Variants in GYPE observed in about 807,000 individuals in gnomAD.
GYPE encodes the protein glycophorin E (MNS blood group).
GYPE carries 8 observed loss-of-function variants against 11.6 expected under a neutral mutation model. The ratio of observed to expected loss-of-function variants is 0.69; its 90% confidence interval spans 0.41 to 1.25. The LOEUF (loss-of-function observed/expected upper bound fraction) is 1.25. Among genes scored for constraint, GYPE ranks in the 50% most tolerant of loss-of-function variants. GYPE has a pLI of 0.01. For synonymous variants in GYPE, 28 were observed against 29.6 expected (o/e 0.94, Z 0.18); for missense variants, 90 against 92.8 (o/e 0.97, Z 0.12).
In GYPE at chr4:143,894,604, A is replaced by G. The variant is rs1013968827; in HGVS notation, c.37+10867T>C. Among the ~76,000 whole-genome samples the G allele has an allele frequency of 6.5e-4, 99 of 152,172 alleles. 3 individuals carry two copies. The highest frequency in any genetic ancestry group is 1.7e-4 in the African/African-American group (7 of 41,424). On this transcript the variant is annotated intron_variant, in intron 1 of 3. Coordinates refer to ENST00000358615, the MANE Select transcript of GYPE (RefSeq NM_198682.3). ...AGAGGAACTGGTACCATTCCTTCTG[A>G]AACTATTCCAATCAATAGAAAAAGA...
At chr4:143,872,693 TAC>T (rs1237299938) in intron 3 of GYPE, among the ~76,000 whole-genome samples, 8 of 152,046 alleles carry the variant, frequency 5.3e-5, no homozygotes, top group Non-Finnish European at 1.2e-4. Context: ...AGATAAAAAA[TAC>T]AGTCATCAGA....
chr4:143,902,071 G>A (rs938534795), intron 1 of GYPE, among the ~76,000 whole-genome samples: 2 of 152,018 alleles, frequency 1.3e-5, no homozygotes, highest in Non-Finnish European at 2.9e-5. Context: ...TATTGAAAAG[G>A]CACAAGAAAA....
intron 3 of GYPE, among the ~76,000 whole-genome samples, chr4:143,873,069 G>A (rs1474102255): frequency 6.6e-6 from 1 of 152,174 alleles, no homozygotes; most frequent in East Asian, 1.9e-4. Context: ...AAAAACAAGA[G>A]TAGAGACAGG....
Position 143,883,546 on chromosome 4 carries a change from AAATT to A in GYPE, c.38-3041_38-3038del, listed in dbSNP as rs68123659. ...TTAATAATAACATGTAATTAATTAT[AAATT>A]AATTTATAATTATTAATAACATGTA... On this transcript the variant is annotated intron_variant, in intron 1 of 3. Coordinates refer to ENST00000358615, the MANE Select transcript of GYPE (RefSeq NM_198682.3). Among the ~76,000 whole-genome samples, 304 of 18,938 alleles carry A rather than the reference AAATT, an allele frequency of 0.016. 4 individuals carry two copies. The East Asian group carries it at 0.18, about 11-fold the overall frequency. The allele number at this position is 18,938 out of a possible 152,430, so 12.4% of individuals were successfully genotyped here. A position where few individuals can be genotyped will look rare whatever the true frequency, so the allele number is the denominator to read the frequency against.
At chr4:143,876,993 T>A (rs570657475) in intron 2 of GYPE, 138 bp from the exon 3 acceptor site, 1 of 653,790 alleles carries the variant, frequency 1.5e-6, no homozygotes, top group Non-Finnish European at 2.8e-6. Flanking sequence ...ATCATGTGTA[T>A]TTTGTCTTTT....
At chr4:143,896,879 T>C (rs1250078972) in intron 1 of GYPE, among the ~76,000 whole-genome samples, 3 of 151,886 alleles carry the variant, frequency 2.0e-5, no homozygotes, top group Non-Finnish European at 4.4e-5. Flanking sequence ...AAACTGGAAA[T>C]CATCATTCTC....
chr4:143,902,637 A>C lies in GYPE; in HGVS notation c.37+2834T>G, dbSNP rs867125012. 7.7e-3 allele frequency among the ~76,000 whole-genome samples: 1,121 copies of C among 145,030 alleles called. 4 individuals are homozygous for C. The highest frequency in any genetic ancestry group is 0.028 in the African/African-American group (1,062 of 38,484). On this transcript the variant is annotated intron_variant, in intron 1 of 3. Coordinates refer to ENST00000358615, the MANE Select transcript of GYPE (RefSeq NM_198682.3). ...TCTTCCTTTCTCTCCCTCTCTGCTT[A>C]TCTCTCCTTCTCCCTCCCTTCACCT...
chr4:143,896,536 G>T (rs866499991), intron 1 of GYPE, among the ~76,000 whole-genome samples: 1 of 152,180 alleles, frequency 6.6e-6, no homozygotes, highest in Non-Finnish European at 1.5e-5. Context: ...TGGAGAAATA[G>T]GAACACTTTT....
At chr4:143,874,497 AT>A (rs1743723693) in intron 3 of GYPE, among the ~76,000 whole-genome samples, 1 of 152,204 alleles carries the variant, frequency 6.6e-6, no homozygotes, top group Non-Finnish European at 1.5e-5. Context: ...ATTTATTCAA[AT>A]GCAGATGCTG....
chr4:143,891,329 CTTT>C (rs747618657), intron 1 of GYPE, among the ~76,000 whole-genome samples: 2 of 117,942 alleles, frequency 1.7e-5, no homozygotes, highest in Admixed American at 8.6e-5. Context: ...TTTTTTGTTT[CTTT>C]TTTTTTTTTT....
intron 3 of GYPE, chr4:143,875,554 C>G (rs1465891760): frequency 1.3e-6 from 2 of 1,550,438 alleles, no homozygotes; most frequent in East Asian, 4.9e-5. Context: ...TCTGCTTGAC[C>G]ATGAGCTACG....
Position 143,878,700 on chromosome 4 carries a change from A to G in GYPE, c.136+1711T>C. ...CTCCTATAAAGCGAAATTTCAATGT[A>G]AGTCCAAATAAGTAAGACGTGCAAA... On this transcript the variant is annotated intron_variant, in intron 2 of 3. Coordinates refer to ENST00000358615, the MANE Select transcript of GYPE (RefSeq NM_198682.3). 6.1e-6 allele frequency: 3 copies of G among 490,936 alleles called. 1 individual carries two copies. The highest frequency in any genetic ancestry group is 3.0e-5 in the South Asian group (2 of 66,566). 30.4% of individuals were successfully genotyped at this position (490,936 alleles called of 1,614,324 possible). A position where few individuals can be genotyped will look rare whatever the true frequency, so the allele number is the denominator to read the frequency against.
chr4:143,904,206 C>T (rs10857414), intron 1 of GYPE, among the ~76,000 whole-genome samples: 147,650 of 152,008 alleles, frequency 0.97, 71,880 homozygotes, highest in East Asian at 1. Context: ...TCTGTAACTA[C>T]TGATAGCTAC....
chr4:143,880,436 C>A lies in GYPE; in HGVS notation c.111G>T (p.Lys37Asn). 1 of 1,613,990 alleles carries A rather than the reference C, an allele frequency of 6.2e-7. No individual in the cohort carries two copies. The highest frequency in any genetic ancestry group is 8.5e-7 in the Non-Finnish European group (1 of 1,179,862). ...MHTSTSSSVT[K>N]SYISSQTNGI... The stretch of plus-strand genomic sequence containing the variant: ...CATTTGTCTGTGATGAGATGTAACT[C>A]TTTGTGACTGAAGAAGAGGTTGAAG... Residue 37 changes from lysine to asparagine, a missense_variant, in exon 2 of 4, where the codon AAG becomes AAT. Physicochemically the swap from Lys to Asn is moderately conservative, Grantham distance 94. Coordinates refer to ENST00000358615, the MANE Select transcript of GYPE (RefSeq NM_198682.3).
chr4:143,888,084 C>G (rs1578965163), intron 1 of GYPE, among the ~76,000 whole-genome samples: 1 of 72,250 alleles, frequency 1.4e-5, no homozygotes, highest in African/African-American at 4.4e-5. Flanking sequence ...GCCACAGTTC[C>G]CATTGTACCA....
chr4:143,898,912 T>G (rs1744761625), intron 1 of GYPE, among the ~76,000 whole-genome samples: 1 of 150,380 alleles, frequency 6.6e-6, no homozygotes, highest in South Asian at 2.1e-4. Context: ...AGTGCCATGA[T>G]CTCTATTCTC....
At chr4:143,902,841 A>G (rs1469753696) in intron 1 of GYPE, among the ~76,000 whole-genome samples, 1 of 152,174 alleles carries the variant, frequency 6.6e-6, no homozygotes, top group East Asian at 1.9e-4. Context: ...ATTTTTAAGT[A>G]AACACAAAAA....
At chr4:143,881,741 G>C (rs1015518796) in intron 1 of GYPE, among the ~76,000 whole-genome samples, 5 of 152,118 alleles carry the variant, frequency 3.3e-5, no homozygotes. Flanking sequence ...TCTTCTGAGA[G>C]TTATAAATCA....
intron 1 of GYPE, among the ~76,000 whole-genome samples, chr4:143,880,992 A>G (rs1180483996): frequency 2.0e-5 from 3 of 152,178 alleles, no homozygotes; most frequent in Non-Finnish European, 2.9e-5. Context: ...GTGGAAGCGC[A>G]TAATAATTAT....
Sources: allele counts gnomAD v4.1 joint callset (sites outside exome capture counted in the v4.1 genomes callset), GRCh38; gene constraint gnomAD v4.1.1; transcripts MANE v1.5; gene names NCBI Gene and HGNC (gene_info 2026-07-23, HGNC 2026-07-21).